GLRA1: variants seen among roughly 807,000 people sequenced by gnomAD.
GLRA1 encodes glycine receptor alpha 1, also known as glycine receptor subunit alpha-1.
Under a neutral mutation model 48.3 loss-of-function variants are expected in GLRA1, and 37 were observed. The observed-to-expected ratio is 0.77, with a 90% CI of 0.59 to 1.01. The LOEUF (loss-of-function observed/expected upper bound fraction) is 1.01. GLRA1 is among the 50% of genes least tolerant of loss of function. The pLI is 0.00. For synonymous variants in GLRA1, 196 were observed against 210.7 expected (o/e 0.93, Z 0.60); for missense variants, 427 against 571.0 (o/e 0.75, Z 2.57).
chr5:151,840,987 C>T (rs1351512442), intron 7 of GLRA1, among the ~76,000 whole-genome samples: 1 of 151,960 alleles, frequency 6.6e-6, no homozygotes, highest in African/African-American at 2.4e-5. Context: ...TAGAAGATTG[C>T]CAAGGAAATG....
At chr5:151,916,883 T>C (rs948665301) in intron 1 of GLRA1, among the ~76,000 whole-genome samples, 1 of 152,126 alleles carries the variant, frequency 6.6e-6, no homozygotes, top group Non-Finnish European at 1.5e-5. Flanking sequence ...GGCCACCAGT[T>C]TGGGGATAGG....
intron 1 of GLRA1, among the ~76,000 whole-genome samples, chr5:151,921,469 G>A (rs1273495550): frequency 1.3e-5 from 2 of 152,176 alleles, no homozygotes; most frequent in Non-Finnish European, 2.9e-5. Flanking sequence ...CCAGGGATGC[G>A]GCTAAACATC....
At chr5:151,911,600 GTTTTTTTTTTT>G (rs768033241) in intron 1 of GLRA1, among the ~76,000 whole-genome samples, 1 of 92,342 alleles carries the variant, frequency 1.1e-5, no homozygotes, top group Admixed American at 1.2e-4. Flanking sequence ...CCAAGCTAGA[GTTTTTTTTTTT>G]TTTTTTTTTT....
intron 1 of GLRA1, among the ~76,000 whole-genome samples, chr5:151,895,625 CTGTG>C (rs67871185): frequency 0.4 from 58,141 of 146,516 alleles, 12,953 homozygotes; most frequent in Non-Finnish European, 0.52. Flanking sequence ...GTGTGTGTGT[CTGTG>C]TGTGTGTGTG....
chr5:151,907,941 T>A (rs571390540), intron 1 of GLRA1, among the ~76,000 whole-genome samples: 21 of 152,346 alleles, frequency 1.4e-4, no homozygotes, highest in Middle Eastern at 3.4e-3. Flanking sequence ...TCTCTAGTCA[T>A]TTCCCCAGGA....
intron 3 of GLRA1, among the ~76,000 whole-genome samples, chr5:151,861,874 C>G (rs1009730735): frequency 9.2e-5 from 14 of 152,158 alleles, no homozygotes; most frequent in African/African-American, 2.9e-4. Flanking sequence ...TTTATAGATT[C>G]AATGCCATTC....
chr5:151,856,782 A>G (rs1158513499), intron 4 of GLRA1, among the ~76,000 whole-genome samples: 1 of 152,112 alleles, frequency 6.6e-6, no homozygotes, highest in African/African-American at 2.4e-5. Context: ...TCAGTCTCCA[A>G]AAGTGCTGGG....
At chr5:151,920,274 G>A (rs1262526297) in intron 1 of GLRA1, among the ~76,000 whole-genome samples, 2 of 152,144 alleles carry the variant, frequency 1.3e-5, no homozygotes, top group Non-Finnish European at 2.9e-5. Flanking sequence ...TGAGTTGATT[G>A]GTAAGAAAAT....
chr5:151,858,025 T>G (rs996908208), intron 4 of GLRA1, among the ~76,000 whole-genome samples: 3 of 152,172 alleles, frequency 2.0e-5, no homozygotes, highest in African/African-American at 7.2e-5. Flanking sequence ...TGGGGTTGAC[T>G]CAGGTGTTTG....
chr5:151,828,133 A>C (rs1763324646), intron 8 of GLRA1, among the ~76,000 whole-genome samples: 1 of 152,220 alleles, frequency 6.6e-6, no homozygotes, highest in African/African-American at 2.4e-5. Flanking sequence ...TTTAGAAATT[A>C]AGTTCAAGTA....
rs1354210929 is a variant in GLRA1 at position 151,851,324 on chromosome 5, G to A, written c.912+66C>T. The A allele has an allele frequency of 7.6e-6, 8 of 1,045,826 alleles. No homozygotes were observed. In the East Asian group the frequency reaches 1.7e-4, roughly 22 times the overall value. 64.8% of individuals were successfully genotyped at this position (1,045,826 alleles called of 1,614,324 possible). A position where few individuals can be genotyped will look rare whatever the true frequency, so the allele number is the denominator to read the frequency against. Reference sequence around the variant, plus strand: ...TCCTTTGCTCCCCATGTTTTAGGCAGAGCAAGGAAGTAGGTGCTGTCCTTA... The same window carrying A: ...TCCTTTGCTCCCCATGTTTTAGGCAAAGCAAGGAAGTAGGTGCTGTCCTTA... On this transcript the variant is annotated intron_variant, in intron 7 of 8. Transcript: ENST00000274576.
chr5:151,900,176 T>G (rs77534888), intron 1 of GLRA1, among the ~76,000 whole-genome samples: 1,616 of 152,202 alleles, frequency 0.011, 27 homozygotes, highest in African/African-American at 0.038. Context: ...AGGTACCTAG[T>G]AAAATTTAAG....
chr5:151,913,492 C>T (rs1754665320), intron 1 of GLRA1, among the ~76,000 whole-genome samples: 1 of 152,114 alleles, frequency 6.6e-6, no homozygotes, highest in South Asian at 2.1e-4. Context: ...TTGTAAATAG[C>T]AGTGGGGGCT....
At chr5:151,842,950 G>A (rs1763747270) in intron 7 of GLRA1, among the ~76,000 whole-genome samples, 1 of 152,084 alleles carries the variant, frequency 6.6e-6, no homozygotes, top group Non-Finnish European at 1.5e-5. Flanking sequence ...AGACTAGAAT[G>A]AATAATTTAA....
chr5:151,858,009 C>G (rs1753093667), intron 4 of GLRA1, among the ~76,000 whole-genome samples: 1 of 152,174 alleles, frequency 6.6e-6, no homozygotes, highest in Non-Finnish European at 1.5e-5. Flanking sequence ...ATTCTGAGTC[C>G]CATGGTGGGG....
chr5:151,917,329 T>TGATTTAAA (rs1351684354), intron 1 of GLRA1, among the ~76,000 whole-genome samples: 3 of 152,200 alleles, frequency 2.0e-5, no homozygotes. Context: ...TGAAAAGCAC[T>TGATTTAAA]GATTTAAAGA....
At chr5:151,849,367 CTTCCTTTCGT>C (rs1561554929) in intron 7 of GLRA1, among the ~76,000 whole-genome samples, 1 of 35,562 alleles carries the variant, frequency 2.8e-5, no homozygotes, top group South Asian at 1.5e-3. Flanking sequence ...TCCTTCCTTT[CTTCCTTTCGT>C]TTCCTTTCCT....
intron 8 of GLRA1, among the ~76,000 whole-genome samples, chr5:151,824,173 T>C (rs1422200549): frequency 1.3e-5 from 2 of 151,742 alleles, no homozygotes; most frequent in African/African-American, 2.4e-5. Context: ...TTGTTTTATC[T>C]TGTTTGTAGA....
rs566504931 is a variant in GLRA1 at position 151,850,241 on chromosome 5, G to C, written c.912+1149C>G. ...AGGCCTGCTTGTATGCTGGAGCCAAGATGGTGGGTACTAATGCTGAGGTCA... is the reference window on the plus strand; with the variant it reads ...AGGCCTGCTTGTATGCTGGAGCCAACATGGTGGGTACTAATGCTGAGGTCA... On this transcript the variant is annotated intron_variant, in intron 7 of 8. Transcript: ENST00000274576. 3 of 1,604,704 alleles carry C rather than the reference G, an allele frequency of 1.9e-6. No individual in the cohort carries two copies. The African/African-American group carries it at 4.0e-5, about 21-fold the overall frequency.
Sources: gnomAD v4.1 joint callset for allele counts (sites outside exome capture counted in the v4.1 genomes callset) on GRCh38, gnomAD v4.1.1 for gene constraint, MANE v1.5 for transcripts, NCBI Gene and HGNC (gene_info 2026-07-23, HGNC 2026-07-21) for gene names.